PDE3A: variants seen among roughly 807,000 people sequenced by gnomAD.
PDE3A encodes the protein cGMP-inhibited 3',5'-cyclic phosphodiesterase 3A.
PDE3A carries 43 observed loss-of-function variants against 98.3 expected under a neutral mutation model. That is an observed-to-expected ratio of 0.44 (90% CI 0.34 to 0.56). PDE3A has a LOEUF of 0.56. PDE3A is among the 20% of genes least tolerant of loss of function. PDE3A has a pLI of 0.01. For missense variants in PDE3A, 1,427 were observed against 1,440.7 expected (o/e 0.99, Z 0.15); for synonymous variants, 663 against 567.9 (o/e 1.17, Z -2.38).
At chr12:20,634,726 TTTG>T (rs1420093337) in intron 7 of PDE3A, among the ~76,000 whole-genome samples, 173 bp from the exon 8 acceptor site, 1 of 152,204 alleles carries the variant, frequency 6.6e-6, no homozygotes, top group African/African-American at 2.4e-5. Context: ...TCTGTTTTAC[TTTG>T]TTAAGAGATG....
intron 2 of PDE3A, among the ~76,000 whole-genome samples, chr12:20,591,013 G>A (rs373771301): frequency 6.6e-6 from 1 of 152,168 alleles, no homozygotes; most frequent in Admixed American, 6.5e-5. Context: ...TAGTATAATG[G>A]TTGTTATTAT....
At chr12:20,621,200 T>C in intron 4 of PDE3A, 96 bp from the exon 5 acceptor site, 1 of 695,158 alleles carries the variant, frequency 1.4e-6, no homozygotes, top group African/African-American at 1.8e-5. Flanking sequence ...GCAAATCTAT[T>C]AGAGAAATGA....
intron 2 of PDE3A, among the ~76,000 whole-genome samples, chr12:20,606,868 A>AAAT (rs1447321762): frequency 6.6e-6 from 1 of 151,792 alleles, no homozygotes; most frequent in Non-Finnish European, 1.5e-5. Flanking sequence ...AAAAAAAAAA[A>AAAT]AATTAAAACA....
intron 1 of PDE3A, among the ~76,000 whole-genome samples, chr12:20,531,683 G>T (rs1165393447): frequency 2.0e-5 from 3 of 152,048 alleles, no homozygotes; most frequent in African/African-American, 7.2e-5. Flanking sequence ...AAAAAAAATT[G>T]CACTGTAACT....
At chr12:20,668,868 AGAG>A (rs1426519952) in intron 15 of PDE3A, among the ~76,000 whole-genome samples, 2 of 151,694 alleles carry the variant, frequency 1.3e-5, no homozygotes, top group African/African-American at 4.9e-5. Context: ...TGACGAGCTG[AGAG>A]AAGAAGGCTT....
At chr12:20,575,756 C>A (rs1477713663) in intron 2 of PDE3A, among the ~76,000 whole-genome samples, 1 of 151,642 alleles carries the variant, frequency 6.6e-6, no homozygotes, top group Admixed American at 6.6e-5. Context: ...GTTCTTTCAT[C>A]CTCCTATTTT....
At chr12:20,623,820 T>TGATGGATGTATTCTAGAAAGAATTTAA (rs1389429184) in intron 5 of PDE3A, among the ~76,000 whole-genome samples, 1 of 152,002 alleles carries the variant, frequency 6.6e-6, no homozygotes, top group African/African-American at 2.4e-5. Flanking sequence ...AAAGAATTTA[T>TGATGGATGTATTCTAGAAAGAATTTAA]GATGGATGTA....
At chr12:20,544,107 G>A (rs934039805) in intron 1 of PDE3A, among the ~76,000 whole-genome samples, 15 of 151,106 alleles carry the variant, frequency 9.9e-5, no homozygotes, top group Non-Finnish European at 1.9e-4. Context: ...GTGCCTTTGG[G>A]TTGGCAGTTT....
intron 1 of PDE3A, among the ~76,000 whole-genome samples, chr12:20,516,027 C>T (rs1253669101): frequency 1.3e-5 from 2 of 150,142 alleles, no homozygotes; most frequent in South Asian, 2.1e-4. Flanking sequence ...CCACCGCGCC[C>T]GGCCTATTTT....
intron 1 of PDE3A, among the ~76,000 whole-genome samples, chr12:20,372,479 T>A (rs189119959): frequency 1.3e-5 from 2 of 152,046 alleles, no homozygotes; most frequent in African/African-American, 4.8e-5. Flanking sequence ...CTGAGCATAA[T>A]TGTGGGGAGT....
At chr12:20,487,391 CG>C (rs1412294339) in intron 1 of PDE3A, among the ~76,000 whole-genome samples, 2 of 147,260 alleles carry the variant, frequency 1.4e-5, no homozygotes, top group African/African-American at 5.0e-5. Flanking sequence ...AGGCTGGACA[CG>C]GTGGCTCATG....
At chr12:20,525,165 C>G (rs1946493701) in intron 1 of PDE3A, among the ~76,000 whole-genome samples, 1 of 152,172 alleles carries the variant, frequency 6.6e-6, no homozygotes, top group Non-Finnish European at 1.5e-5. Flanking sequence ...CATTACTGCT[C>G]CGGAGCCTTG....
intron 6 of PDE3A, 70 bp downstream of exon 6, chr12:20,630,197 A>G: frequency 8.9e-7 from 1 of 1,118,246 alleles, no homozygotes; most frequent in Non-Finnish European, 1.4e-6. Flanking sequence ...AATACCTACC[A>G]CCAGCCCACG....
intron 2 of PDE3A, among the ~76,000 whole-genome samples, chr12:20,574,151 G>A (rs1942871653): frequency 6.6e-6 from 1 of 152,046 alleles, no homozygotes; most frequent in African/African-American, 2.4e-5. Flanking sequence ...ATGAACTTTG[G>A]AAGACTTCTA....
chr12:20,436,386 T>G (rs1271546359), intron 1 of PDE3A, among the ~76,000 whole-genome samples: 1 of 152,178 alleles, frequency 6.6e-6, no homozygotes, highest in Non-Finnish European at 1.5e-5. Flanking sequence ...GGAAACATTT[T>G]AGGGGTGAAA....
intron 1 of PDE3A, among the ~76,000 whole-genome samples, chr12:20,465,446 T>C (rs1272214442): frequency 6.6e-6 from 1 of 152,204 alleles, no homozygotes; most frequent in Non-Finnish European, 1.5e-5. Context: ...AGTCTCACTC[T>C]GTCACCCAGG....
intron 10 of PDE3A, among the ~76,000 whole-genome samples, chr12:20,641,273 C>G (rs1944643056): frequency 6.6e-6 from 1 of 152,048 alleles, no homozygotes; most frequent in Non-Finnish European, 1.5e-5. Context: ...AGGAGCTCAA[C>G]AGTACCAGGG....
intron 1 of PDE3A, among the ~76,000 whole-genome samples, chr12:20,380,560 T>C (rs1943645993): frequency 6.6e-6 from 1 of 152,022 alleles, no homozygotes; most frequent in East Asian, 1.9e-4. Flanking sequence ...ATCCTCTCAC[T>C]GAAATCAGAG....
intron 15 of PDE3A, 22 bp from the exon 16 acceptor site, chr12:20,680,008 T>G (rs1034780254): frequency 1.3e-6 from 2 of 1,558,376 alleles, no homozygotes; most frequent in Non-Finnish European, 1.7e-6. Context: ...TGATTTGGTG[T>G]TTTTTATTTT....
Sources: gnomAD v4.1 joint callset for allele counts (sites outside exome capture counted in the v4.1 genomes callset) on GRCh38, gnomAD v4.1.1 for gene constraint, MANE v1.5 for transcripts, NCBI Gene and HGNC (gene_info 2026-07-23, HGNC 2026-07-21) for gene names.